SEMA6D: variants seen among roughly 807,000 people sequenced by gnomAD.
SEMA6D encodes the protein semaphorin-6D.
A neutral mutation model predicts 106.6 loss-of-function variants in SEMA6D; 35 were observed. The ratio of observed to expected loss-of-function variants is 0.33; its 90% CI spans 0.25 to 0.44. The LOEUF is 0.44. Ranked by LOEUF, SEMA6D falls within the 20% of genes least tolerant of loss-of-function variation. The probability of loss-of-function intolerance (pLI) is 1.00; values close to 1 mark genes in which losing one functional copy is unlikely to be tolerated. For synonymous variants in SEMA6D, 499 were observed against 487.7 expected (o/e 1.02, Z -0.31); for missense variants, 1,185 against 1,345.9 (o/e 0.88, Z 1.87).
chr15:47,497,833 C>A (rs1218517798), intron 3 of SEMA6D, among the ~76,000 whole-genome samples: 1 of 152,058 alleles, frequency 6.6e-6, no homozygotes, highest in African/African-American at 2.4e-5. Flanking sequence ...GTTTCATCTC[C>A]CTTTCTCTTG....
chr15:47,691,832 C>T (rs145078773), intron 4 of SEMA6D, among the ~76,000 whole-genome samples: 19 of 140,154 alleles, frequency 1.4e-4, no homozygotes, highest in Non-Finnish European at 2.3e-4. Context: ...AGTATACCTT[C>T]GTGGAAGAAA....
intron 1 of SEMA6D, among the ~76,000 whole-genome samples, chr15:47,258,096 T>C (rs1257541712): frequency 6.6e-6 from 1 of 152,222 alleles, no homozygotes; most frequent in African/African-American, 2.4e-5. Context: ...TTTTGCCATC[T>C]TTTTATTTTT....
At chr15:47,289,090 C>A (rs539005258) in intron 1 of SEMA6D, among the ~76,000 whole-genome samples, 2 of 152,056 alleles carry the variant, frequency 1.3e-5, no homozygotes, top group Admixed American at 1.3e-4. Flanking sequence ...TTTAAGGCAC[C>A]AACTGATTAT....
At chr15:47,680,289 A>G (rs1305996376) in intron 4 of SEMA6D, among the ~76,000 whole-genome samples, 1 of 152,084 alleles carries the variant, frequency 6.6e-6, no homozygotes, top group Non-Finnish European at 1.5e-5. Context: ...ACCGAAATCC[A>G]TCCCCATATC....
chr15:47,367,702 A>G (rs201386107), intron 1 of SEMA6D, among the ~76,000 whole-genome samples: 11,483 of 103,198 alleles, frequency 0.11, 659 homozygotes, highest in African/African-American at 0.32. Context: ...GCACACACAC[A>G]CACACACACA....
chr15:47,254,380 A>T (rs529540803), intron 1 of SEMA6D, among the ~76,000 whole-genome samples: 2 of 149,924 alleles, frequency 1.3e-5, no homozygotes, highest in South Asian at 4.2e-4. Flanking sequence ...TAAAACAGGA[A>T]CAGTTTTACT....
chr15:47,643,004 G>T (rs570566545), intron 4 of SEMA6D, among the ~76,000 whole-genome samples: 1 of 152,086 alleles, frequency 6.6e-6, no homozygotes, highest in African/African-American at 2.4e-5. Flanking sequence ...AATAGGGAGA[G>T]AGAGAGAGAC....
intron 1 of SEMA6D, among the ~76,000 whole-genome samples, chr15:47,341,045 C>T (rs575526348): frequency 1.8e-4 from 27 of 152,114 alleles, no homozygotes; most frequent in Non-Finnish European, 3.2e-4. Flanking sequence ...ATTTAGAGAC[C>T]TCTCATGTCA....
Position 47,294,306 on chromosome 15 carries a change from C to T in SEMA6D, c.-239+109888C>T, listed in dbSNP as rs150918055. On this transcript the variant is annotated intron_variant, in intron 1 of 19. Coordinates refer to the SEMA6D transcript ENST00000558014. ...TGGTGCAATCTCAGCTCACTGCAAC[C>T]TCTACCTCCCAGGTTCAAGCGATTC... is the stretch of plus-strand genomic sequence containing the variant. Among the ~76,000 whole-genome samples the T allele has an allele frequency of 8.2e-3, 1,247 of 152,120 alleles. 31 individuals carry two copies. The highest frequency in any genetic ancestry group is 0.059 in the Admixed American group (901 of 15,270).
chr15:47,738,921 C>T (rs1234650439), intron 1 of SEMA6D, among the ~76,000 whole-genome samples: 1 of 152,140 alleles, frequency 6.6e-6, no homozygotes, highest in Non-Finnish European at 1.5e-5. Flanking sequence ...CAGCTCAGGG[C>T]TCAGCTAGGG....
At chr15:47,696,079 T>G (rs764468122) in intron 4 of SEMA6D, among the ~76,000 whole-genome samples, 1 of 152,178 alleles carries the variant, frequency 6.6e-6, no homozygotes, top group African/African-American at 2.4e-5. Context: ...CAAACAAAGG[T>G]CTTCTCTTCA....
At chr15:47,556,126 A>G (rs1013644964) in intron 3 of SEMA6D, among the ~76,000 whole-genome samples, 3 of 152,122 alleles carry the variant, frequency 2.0e-5, no homozygotes, top group Non-Finnish European at 2.9e-5. Context: ...ATACCTTTAC[A>G]TGTTTTCTTT....
At chr15:47,323,423 A>G (rs990507466) in intron 1 of SEMA6D, among the ~76,000 whole-genome samples, 4 of 152,172 alleles carry the variant, frequency 2.6e-5, no homozygotes, top group Non-Finnish European at 5.9e-5. Flanking sequence ...AAAAATAGGA[A>G]GCCATCTGTA....
At chr15:47,577,928 G>A (rs2076184776) in intron 3 of SEMA6D, among the ~76,000 whole-genome samples, 1 of 152,184 alleles carries the variant, frequency 6.6e-6, no homozygotes, top group Admixed American at 6.5e-5. Context: ...AAATGTAGGT[G>A]CCAGACATTA....
In SEMA6D at chr15:47,648,479, A is replaced by AGAATGAATGAATGAATGAAT. The variant is rs112820950; in HGVS notation, c.-55+47591_-55+47610dup. On this transcript the variant is annotated intron_variant, in intron 4 of 19. Coordinates refer to the SEMA6D transcript ENST00000558014. ...CCCTGAACTGGAATAACTGGGTTGGAGAATGAATGAATGAATGAATGAATG... is the reference window on the plus strand; with the variant it reads ...CCCTGAACTGGAATAACTGGGTTGGAGAATGAATGAATGAATGAATGAATGAATGAATGAATGAATGAATG... Among the ~76,000 whole-genome samples, 985 of 151,054 alleles carry AGAATGAATGAATGAATGAAT rather than the reference A, an allele frequency of 6.5e-3. 6 individuals are homozygous for AGAATGAATGAATGAATGAAT. Among genetic ancestry groups the AGAATGAATGAATGAATGAAT allele is most frequent in the African/African-American group, 0.022 (922 of 41,082 alleles).
chr15:47,212,678 G>A (rs1356062458), intron 1 of SEMA6D, among the ~76,000 whole-genome samples: 2 of 152,148 alleles, frequency 1.3e-5, no homozygotes, highest in Non-Finnish European at 2.9e-5. Flanking sequence ...AAAACATAAA[G>A]TAGCATTTCC....
chr15:47,267,589 A>G (rs1419580915), intron 1 of SEMA6D, among the ~76,000 whole-genome samples: 1 of 152,000 alleles, frequency 6.6e-6, no homozygotes, highest in Non-Finnish European at 1.5e-5. Context: ...CTTTGTATCT[A>G]TTTTTTGACT....
chr15:47,256,659 G>T (rs1019659752), intron 1 of SEMA6D, among the ~76,000 whole-genome samples: 1 of 152,096 alleles, frequency 6.6e-6, no homozygotes, highest in South Asian at 2.1e-4. Flanking sequence ...AGGAGTTCGA[G>T]ACCAGCCTGA....
intron 1 of SEMA6D, among the ~76,000 whole-genome samples, chr15:47,409,919 G>T (rs2040729650): frequency 6.6e-6 from 1 of 152,082 alleles, no homozygotes; most frequent in Non-Finnish European, 1.5e-5. Context: ...GGGGAGGCAG[G>T]TCTTAGATTT....
Sources: gnomAD v4.1 joint callset for allele counts (sites outside exome capture counted in the v4.1 genomes callset) on GRCh38, gnomAD v4.1.1 for gene constraint, MANE v1.5 for transcripts, NCBI Gene and HGNC (gene_info 2026-07-23, HGNC 2026-07-21) for gene names.